The following STARD13 variants were observed in gnomAD, a reference collection of about 807,000 sequenced individuals.
The protein encoded by STARD13 is stAR-related lipid transfer protein 13.
Under a neutral mutation model 106.4 loss-of-function variants are expected in STARD13, and 62 were observed. That is an observed-to-expected ratio of 0.58 (90% confidence interval 0.48 to 0.72). STARD13 has a LOEUF of 0.72. Ranked by LOEUF, STARD13 falls within the 30% of genes least tolerant of loss-of-function variation. The pLI is 0.00. For missense variants in STARD13, 1,387 were observed against 1,424.0 expected (o/e 0.97, Z 0.42); for synonymous variants, 565 against 553.0 (o/e 1.02, Z -0.31).
intron 3 of STARD13, among the ~76,000 whole-genome samples, chr13:33,145,139 G>A (rs1489936535): frequency 1.3e-5 from 2 of 152,076 alleles, no homozygotes; most frequent in East Asian, 1.9e-4. Context: ...ATTTGATAAA[G>A]GACTCATATA....
chr13:33,300,328 C>T (rs1242724647), intron 1 of STARD13, among the ~76,000 whole-genome samples: 1 of 152,154 alleles, frequency 6.6e-6, no homozygotes, highest in African/African-American at 2.4e-5. Flanking sequence ...AACTTTGAAG[C>T]AAGTTCAAAG....
the STARD13 span, among the ~76,000 whole-genome samples, chr13:33,501,195 A>T: frequency 6.7e-6 from 1 of 148,748 alleles, no homozygotes; most frequent in African/African-American, 2.5e-5. Context: ...TCCTGCCTCA[A>T]CCTCCTGAGT....
intron 1 of STARD13, among the ~76,000 whole-genome samples, chr13:33,183,216 G>A (rs898835271): frequency 6.6e-6 from 1 of 152,132 alleles, no homozygotes; most frequent in Non-Finnish European, 1.5e-5. Flanking sequence ...GCTCTTTGAG[G>A]GCAGAGGTTG....
chr13:33,408,204 A>G, the STARD13 span, among the ~76,000 whole-genome samples: 2 of 152,176 alleles, frequency 1.3e-5, no homozygotes, highest in Middle Eastern at 3.4e-3. Flanking sequence ...TTTCAAGGGT[A>G]CTGTTCAGTG....
chr13:33,559,099 A>C, the STARD13 span, among the ~76,000 whole-genome samples: 2 of 151,676 alleles, frequency 1.3e-5, no homozygotes, highest in Non-Finnish European at 2.9e-5. Context: ...AAATCTTTTC[A>C]AATGATTAGC....
the STARD13 span, among the ~76,000 whole-genome samples, chr13:33,621,558 T>C: frequency 6.6e-6 from 1 of 150,714 alleles, no homozygotes; most frequent in African/African-American, 2.4e-5. Flanking sequence ...TGGGTGCCTG[T>C]AGTCCCAGCT....
chr13:33,106,709 G>T, intron 13 of STARD13, 49 bp downstream of exon 13: 5 of 1,529,170 alleles, frequency 3.3e-6, no homozygotes, highest in Non-Finnish European at 4.4e-6. Context: ...TGCTGTACAA[G>T]CTGAGACTCC....
At position 33,118,051 on chromosome 13, in the gene STARD13, T is replaced by C. The variant is rs1291276583; in HGVS notation, c.2281+14A>G. On this transcript the variant is annotated intron_variant, in intron 8 of 13. Transcript: ENST00000336934. ...GATGCCCACGAGAACACCAATCTCA[T>C]TATTTCCACTTACACTGATAGATAT... 7 of 1,613,720 alleles carry C rather than the reference T, an allele frequency of 4.3e-6. No homozygotes were observed. The highest frequency in any genetic ancestry group is 4.2e-6 in the Non-Finnish European group (5 of 1,179,658).
At chr13:33,144,200 T>C (rs538117903) in intron 3 of STARD13, among the ~76,000 whole-genome samples, 1 of 152,210 alleles carries the variant, frequency 6.6e-6, no homozygotes, top group Non-Finnish European at 1.5e-5. Flanking sequence ...CAGAGTCACA[T>C]TCTGCATTCT....
the STARD13 span, among the ~76,000 whole-genome samples, chr13:33,568,917 TCTC>T: frequency 1.4e-5 from 2 of 147,910 alleles, no homozygotes; most frequent in African/African-American, 5.0e-5. Context: ...ACAATTGAGT[TCTC>T]CTATAGAAAA....
At chr13:33,203,453 T>C (rs1408793855) in intron 1 of STARD13, among the ~76,000 whole-genome samples, 1 of 152,258 alleles carries the variant, frequency 6.6e-6, no homozygotes, top group Admixed American at 6.5e-5. Flanking sequence ...TTTATTTGTA[T>C]GGTATATCTA....
At chr13:33,413,642 CACAA>C in the STARD13 span, among the ~76,000 whole-genome samples, 89 of 152,014 alleles carry the variant, frequency 5.9e-4, no homozygotes, top group South Asian at 0.017. Context: ...AGTAAAAATA[CACAA>C]ACAAACAAAC....
chr13:33,414,718 T>A, the STARD13 span, among the ~76,000 whole-genome samples: 1 of 152,198 alleles, frequency 6.6e-6, no homozygotes, highest in African/African-American at 2.4e-5. Flanking sequence ...ATGTTCTCTA[T>A]CTTGACTGTG....
intron 1 of STARD13, among the ~76,000 whole-genome samples, chr13:33,264,924 G>C (rs1159019554): frequency 2.0e-5 from 3 of 152,182 alleles, no homozygotes; most frequent in Non-Finnish European, 2.9e-5. Flanking sequence ...AAGTGGCCTG[G>C]ATTTGAGGGA....
chr13:33,463,593 A>G, the STARD13 span, among the ~76,000 whole-genome samples: 1 of 152,172 alleles, frequency 6.6e-6, no homozygotes, highest in Admixed American at 6.5e-5. Flanking sequence ...GTGCCAAGAA[A>G]TGTTAGAGAA....
the STARD13 span, among the ~76,000 whole-genome samples, chr13:33,439,116 A>G: frequency 6.6e-6 from 1 of 152,246 alleles, no homozygotes; most frequent in Non-Finnish European, 1.5e-5. Context: ...TCTTATCCAT[A>G]ATGACTATTC....
At chr13:33,391,927 A>G in the STARD13 span, among the ~76,000 whole-genome samples, 1 of 152,112 alleles carries the variant, frequency 6.6e-6, no homozygotes, top group Non-Finnish European at 1.5e-5. Flanking sequence ...GAGTGAAATG[A>G]CTGCCTTTTG....
chr13:33,548,766 C>T, the STARD13 span, among the ~76,000 whole-genome samples: 60 of 152,026 alleles, frequency 3.9e-4, no homozygotes, highest in Non-Finnish European at 7.2e-4. Flanking sequence ...AGAGTATTTA[C>T]TGCAATGCCC....
chr13:33,481,878 G>A, the STARD13 span, among the ~76,000 whole-genome samples: 3 of 151,832 alleles, frequency 2.0e-5, no homozygotes, highest in Non-Finnish European at 4.4e-5. Context: ...AGCTACTCGG[G>A]AGGCTGAGGC....
Sources: gnomAD v4.1 joint callset for allele counts (sites outside exome capture counted in the v4.1 genomes callset) on GRCh38, gnomAD v4.1.1 for gene constraint, MANE v1.5 for transcripts, NCBI Gene and HGNC (gene_info 2026-07-23, HGNC 2026-07-21) for gene names.